The following NCKAP5 variants were observed in gnomAD, a reference collection of about 807,000 sequenced individuals.
NCKAP5 encodes NCK associated protein 5.
NCKAP5 carries 92 observed loss-of-function variants against 167.0 expected under a neutral mutation model. The observed-to-expected ratio is 0.55, with a 90% CI of 0.47 to 0.66. The LOEUF is 0.66. NCKAP5 is among the 30% of genes least tolerant of loss of function. NCKAP5 has a pLI of 0.00. For synonymous variants in NCKAP5, 891 were observed against 877.4 expected, an observed-to-expected ratio of 1.02 and a Z score of -0.27; for missense variants, 2,378 against 2,315.0, an observed-to-expected ratio of 1.03 and a Z score of -0.56.
At chr2:132,840,247 T>C (rs1156501155) in intron 11 of NCKAP5, among the ~76,000 whole-genome samples, 2 of 151,082 alleles carry the variant, frequency 1.3e-5, no homozygotes, top group Non-Finnish European at 2.9e-5. Flanking sequence ...GATGAAATGC[T>C]CACACAGAGA....
At chr2:133,608,369 C>A in the NCKAP5 span, among the ~76,000 whole-genome samples, 33 of 152,134 alleles carry the variant, frequency 2.2e-4, no homozygotes, top group Admixed American at 7.2e-4. Context: ...TCTTGGGTCA[C>A]CTTTATCAAA....
At chr2:132,844,364 C>T (rs1688513504) in intron 11 of NCKAP5, among the ~76,000 whole-genome samples, 1 of 152,228 alleles carries the variant, frequency 6.6e-6, no homozygotes, top group South Asian at 2.1e-4. Flanking sequence ...AAGATAAACT[C>T]TTACTTGGCC....
intron 3 of NCKAP5, among the ~76,000 whole-genome samples, chr2:133,350,473 C>T (rs1437025838): frequency 1.3e-5 from 2 of 152,098 alleles, no homozygotes; most frequent in Admixed American, 6.5e-5. Flanking sequence ...ACACCCCTCC[C>T]CTACTTTGCT....
At chr2:133,541,046 C>CTTATTCT (rs928821344) in intron 2 of NCKAP5, among the ~76,000 whole-genome samples, 7 of 149,652 alleles carry the variant, frequency 4.7e-5, no homozygotes, top group Non-Finnish European at 4.4e-5. Flanking sequence ...CTAAATAAAT[C>CTTATTCT]TTATTCTTTG....
intron 6 of NCKAP5, among the ~76,000 whole-genome samples, chr2:133,095,497 G>C (rs566703130): frequency 6.6e-6 from 1 of 152,258 alleles, no homozygotes; most frequent in South Asian, 2.1e-4. Flanking sequence ...TTGCCCTTTT[G>C]AGATTGAAGA....
At chr2:133,317,391 C>T (rs968966238) in intron 3 of NCKAP5, among the ~76,000 whole-genome samples, 7 of 152,054 alleles carry the variant, frequency 4.6e-5, no homozygotes, top group Non-Finnish European at 8.8e-5. Flanking sequence ...CCCCTCCTTC[C>T]AGCAAGTGGT....
At chr2:133,234,454 T>C (rs577497572) in intron 4 of NCKAP5, among the ~76,000 whole-genome samples, 3 of 152,284 alleles carry the variant, frequency 2.0e-5, no homozygotes, top group East Asian at 3.9e-4. Context: ...CCCTGACAAG[T>C]CTGCCTTGAA....
chr2:132,914,056 A>C (rs1219447805), intron 8 of NCKAP5, among the ~76,000 whole-genome samples: 1 of 152,190 alleles, frequency 6.6e-6, no homozygotes, highest in Non-Finnish European at 1.5e-5. Flanking sequence ...AAATAAGCAT[A>C]AGAGCCTTAA....
At chr2:133,097,230 G>A (rs1340695482) in intron 6 of NCKAP5, among the ~76,000 whole-genome samples, 2 of 152,150 alleles carry the variant, frequency 1.3e-5, no homozygotes, top group Admixed American at 6.5e-5. Flanking sequence ...CACAGAGGGT[G>A]GCAGTGTCAC....
chr2:133,418,633 A>G (rs1052922357), intron 3 of NCKAP5, among the ~76,000 whole-genome samples: 4 of 152,206 alleles, frequency 2.6e-5, no homozygotes, highest in Non-Finnish European at 4.4e-5. Context: ...TCTACAGCCC[A>G]ACATCAAGCA....
the NCKAP5 span, among the ~76,000 whole-genome samples, chr2:133,670,681 A>G: frequency 6.6e-6 from 1 of 152,206 alleles, no homozygotes; most frequent in Non-Finnish European, 1.5e-5. Context: ...ACTCCATTTC[A>G]TCATTAGAGA....
intron 8 of NCKAP5, among the ~76,000 whole-genome samples, chr2:132,939,309 A>G (rs1308556218): frequency 6.6e-6 from 1 of 152,218 alleles, no homozygotes; most frequent in Non-Finnish European, 1.5e-5. Flanking sequence ...AACTACAACT[A>G]TTACAAGCCA....
At chr2:133,018,646 A>G (rs1182062974) in intron 6 of NCKAP5, among the ~76,000 whole-genome samples, 3 of 152,204 alleles carry the variant, frequency 2.0e-5, no homozygotes, top group African/African-American at 7.2e-5. Flanking sequence ...AAGTGCTCTT[A>G]TTGCCTAAGT....
At chr2:132,946,334 G>A (rs769202342) in intron 8 of NCKAP5, among the ~76,000 whole-genome samples, 11 of 152,160 alleles carry the variant, frequency 7.2e-5, no homozygotes, top group African/African-American at 2.7e-4. Context: ...AATTGATACT[G>A]TATCTAGAGC....
intron 4 of NCKAP5, among the ~76,000 whole-genome samples, chr2:133,223,855 C>T (rs1461318081): frequency 6.6e-6 from 1 of 152,126 alleles, no homozygotes; most frequent in African/African-American, 2.4e-5. Context: ...TGGAAAAGCA[C>T]AAGACTTTAA....
At chr2:133,306,202 C>T (rs1680765737) in intron 3 of NCKAP5, among the ~76,000 whole-genome samples, 1 of 152,220 alleles carries the variant, frequency 6.6e-6, no homozygotes, top group Non-Finnish European at 1.5e-5. Context: ...AAGTAAAATG[C>T]TATTGGCACA....
At chr2:133,626,350 C>T in the NCKAP5 span, among the ~76,000 whole-genome samples, 1 of 152,034 alleles carries the variant, frequency 6.6e-6, no homozygotes, top group Non-Finnish European at 1.5e-5. Context: ...ACAGGGAATA[C>T]AGGGGCAGAG....
At chr2:133,591,897 A>G in the NCKAP5 span, among the ~76,000 whole-genome samples, 2 of 152,320 alleles carry the variant, frequency 1.3e-5, no homozygotes. Flanking sequence ...AGAAGAGTAT[A>G]AGGCAAACAG....
At chr2:132,849,131 G>A (rs144220526) in intron 11 of NCKAP5, among the ~76,000 whole-genome samples, 54 of 152,196 alleles carry the variant, frequency 3.5e-4, no homozygotes, top group South Asian at 1.2e-3. Context: ...GACAGGCTTC[G>A]CAGGGTCCCT....
Sources: allele counts gnomAD v4.1 joint callset (sites outside exome capture counted in the v4.1 genomes callset), GRCh38; gene constraint gnomAD v4.1.1; transcripts MANE v1.5; gene names NCBI Gene and HGNC (gene_info 2026-07-23, HGNC 2026-07-21).